The following FAM120A variants were observed in gnomAD, a reference collection of about 807,000 sequenced individuals.
FAM120A encodes the protein constitutive coactivator of PPAR-gamma-like protein 1.
Under a neutral mutation model 109.7 loss-of-function variants are expected in FAM120A, and 15 were observed. The observed-to-expected ratio is 0.14, with a 90% CI of 0.09 to 0.21. FAM120A has a LOEUF of 0.21. Ranked by LOEUF, FAM120A falls within the 10% of genes least tolerant of loss-of-function variation. The pLI, the probability that FAM120A is intolerant of heterozygous loss-of-function variation, is 1.00. For missense variants in FAM120A, 899 were observed against 1,439.3 expected, an observed-to-expected ratio of 0.62 and a Z score of 6.07; for synonymous variants, 493 against 572.8, an observed-to-expected ratio of 0.86 and a Z score of 1.99.
intron 15 of FAM120A, 94 bp from the exon 16 acceptor site, chr9:93,561,015 C>A (rs1862446389): frequency 4.9e-6 from 7 of 1,420,378 alleles, no homozygotes; most frequent in African/African-American, 1.4e-5. Flanking sequence ...TAAATATAAA[C>A]CAAAACTGAA....
At position 93,557,844 on chromosome 9, in the gene FAM120A, G is replaced by A. The variant is rs1862341733; in HGVS notation, c.2502G>A (p.Lys834=). 1 of 1,613,868 alleles carries A rather than the reference G, an allele frequency of 6.2e-7. No individual in the cohort carries two copies. Among genetic ancestry groups the A allele is most frequent in the East Asian group, 2.2e-5 (1 of 44,880 alleles). Reference sequence around the variant, plus strand: ...TCTTCCAGGCTGATCAGGCTGCCAAGGTAGAGAAGATGCGCCAGAGCGTCC... The same window carrying A: ...TCTTCCAGGCTGATCAGGCTGCCAAAGTAGAGAAGATGCGCCAGAGCGTCC... ...LCDGQADQAA[K]VEKMRQSVLE... Residue 834 remains lysine, a synonymous_variant, in exon 14 of 18, where the codon AAG becomes AAA. Coordinates refer to ENST00000277165, the MANE Select transcript of FAM120A (RefSeq NM_014612.5).
chr9:93,515,351 A>G, intron 5 of FAM120A, among the ~76,000 whole-genome samples: 1 of 152,252 alleles, frequency 6.6e-6, no homozygotes, highest in Non-Finnish European at 1.5e-5. Flanking sequence ...GAGAATCCCC[A>G]CCAAGTTGCA....
intron 3 of FAM120A, among the ~76,000 whole-genome samples, chr9:93,478,463 T>G (rs1473067632): frequency 6.6e-6 from 1 of 152,146 alleles, no homozygotes; most frequent in Admixed American, 6.6e-5. Flanking sequence ...GTTCAGAAAT[T>G]GCATTTGTTA....
intron 7 of FAM120A, among the ~76,000 whole-genome samples, chr9:93,521,597 G>A (rs1860847311): frequency 6.7e-6 from 1 of 150,318 alleles, no homozygotes; most frequent in African/African-American, 2.4e-5. Flanking sequence ...AAAAAAAAAA[G>A]GAAAGAAAGA....
chr9:93,564,618 T>G lies in FAM120A; in HGVS notation c.*78T>G. The stretch of plus-strand genomic sequence containing the variant: ...ATCTGGAGAGAAAGAGAGCCTGCAG[T>G]TATGTACATTTTGTCCTTTCCGTAA... On this transcript the variant is annotated 3_prime_UTR_variant, in exon 18 of 18. Coordinates refer to ENST00000277165, the MANE Select transcript of FAM120A (RefSeq NM_014612.5). The G allele has an allele frequency of 8.2e-7, 1 of 1,225,558 alleles. No homozygotes were observed. The highest frequency in any genetic ancestry group is 1.1e-6 in the Non-Finnish European group (1 of 881,160). 75.9% of individuals were successfully genotyped at this position (1,225,558 alleles called of 1,614,324 possible).
chr9:93,529,736 G>A (rs547507045), intron 9 of FAM120A, 156 bp downstream of exon 9: 105 of 710,942 alleles, frequency 1.5e-4, no homozygotes, highest in South Asian at 1.4e-3. Flanking sequence ...TTGAATGAAA[G>A]ATGAACATTT....
intron 1 of FAM120A, among the ~76,000 whole-genome samples, chr9:93,459,689 A>C (rs958631157): frequency 1.3e-5 from 2 of 152,144 alleles, no homozygotes; most frequent in African/African-American, 4.8e-5. Flanking sequence ...TAGGGTTGAC[A>C]GTTGAGACAT....
At chr9:93,546,481 G>A (rs563495543) in intron 11 of FAM120A, among the ~76,000 whole-genome samples, 4 of 152,234 alleles carry the variant, frequency 2.6e-5, no homozygotes, top group African/African-American at 9.6e-5. Context: ...CGTCCCATCT[G>A]GTGTATTTAC....
intron 1 of FAM120A, among the ~76,000 whole-genome samples, chr9:93,459,240 C>T (rs1377526083): frequency 6.6e-6 from 1 of 152,184 alleles, no homozygotes; most frequent in East Asian, 1.9e-4. Flanking sequence ...ATTTACCTCC[C>T]CCAGCCACCC....
At chr9:93,522,082 A>T (rs1860870913) in intron 7 of FAM120A, among the ~76,000 whole-genome samples, 1 of 152,216 alleles carries the variant, frequency 6.6e-6, no homozygotes, top group Non-Finnish European at 1.5e-5. Flanking sequence ...CCTGTTTAAA[A>T]AACAAAACAA....
At chr9:93,531,869 T>G (rs1861343799) in intron 9 of FAM120A, among the ~76,000 whole-genome samples, 1 of 152,264 alleles carries the variant, frequency 6.6e-6, no homozygotes, top group Non-Finnish European at 1.5e-5. Context: ...TCTGTCTGGA[T>G]TGTTTCAAAG....
chr9:93,538,877 G>GT (rs56333792), intron 10 of FAM120A, among the ~76,000 whole-genome samples: 3 of 151,980 alleles, frequency 2.0e-5, no homozygotes, highest in East Asian at 1.9e-4. Context: ...AAAACATTGA[G>GT]TTTTTTTACT....
At chr9:93,555,431 C>A (rs1016600322) in intron 12 of FAM120A, among the ~76,000 whole-genome samples, 19 of 152,176 alleles carry the variant, frequency 1.2e-4, no homozygotes, top group Non-Finnish European at 2.6e-4. Context: ...ACCAGAATGA[C>A]CTTTTTCTCT....
chr9:93,532,670 T>C lies in FAM120A; in HGVS notation c.1909+341T>C. ...GGTAATCAGGACGAGTGAGTTTCTG[T>C]GCTCTGGTTTTCATGAAGCACAGAT... On this transcript the variant is annotated intron_variant, in intron 10 of 17. Coordinates refer to ENST00000277165, the MANE Select transcript of FAM120A (RefSeq NM_014612.5). The surrounding 1 kb of genome is among the most constrained non-coding windows in gnomAD (Gnocchi z 4.3). 1 of 302,090 alleles carries C rather than the reference T, an allele frequency of 3.3e-6. No individual in the cohort carries two copies. The allele number at this position is 302,090 out of a possible 1,614,324, so 18.7% of individuals were successfully genotyped here.
chr9:93,472,279 A>T (rs1181943073), intron 2 of FAM120A, among the ~76,000 whole-genome samples: 1 of 151,872 alleles, frequency 6.6e-6, no homozygotes, highest in African/African-American at 2.4e-5. Flanking sequence ...AAAAATTCCC[A>T]AGAAGTAATA....
At chr9:93,474,065 G>A (rs895578495) in intron 2 of FAM120A, among the ~76,000 whole-genome samples, 2 of 137,056 alleles carry the variant, frequency 1.5e-5, no homozygotes, top group Non-Finnish European at 3.1e-5. Context: ...TTGTTAGTTT[G>A]TGAAGTTTTG....
Position 93,451,772 on chromosome 9 carries a change from C to T in FAM120A, c.-144C>T. The stretch of plus-strand genomic sequence containing the variant: ...AGGCGGCAGCACATGGCGGCCGCGG[C>T]GGCCATGAGCGCGCCCCCGACCCGC... On this transcript the variant is annotated 5_prime_UTR_variant, in exon 1 of 18. Coordinates refer to ENST00000277165, the MANE Select transcript of FAM120A (RefSeq NM_014612.5). 1.0e-6 allele frequency: 1 copy of T among 981,244 alleles called. No individual in the cohort carries two copies. Among genetic ancestry groups the T allele is most frequent in the Non-Finnish European group, 1.2e-6 (1 of 828,834 alleles). The allele number at this position is 981,244 out of a possible 1,614,324, so 60.8% of individuals were successfully genotyped here. A position where few individuals can be genotyped will look rare whatever the true frequency, so the allele number is the denominator to read the frequency against.
intron 8 of FAM120A, among the ~76,000 whole-genome samples, chr9:93,527,749 G>T (rs1035867244): frequency 6.8e-6 from 1 of 146,634 alleles, no homozygotes; most frequent in Admixed American, 7.1e-5. Context: ...CAGCCTCCCT[G>T]GTAGCTGAGA....
At chr9:93,490,112 A>G (rs1300184512) in intron 3 of FAM120A, among the ~76,000 whole-genome samples, 2 of 152,242 alleles carry the variant, frequency 1.3e-5, no homozygotes, top group Non-Finnish European at 2.9e-5. Flanking sequence ...GGCCTCATCC[A>G]TGAATGAATA....
Sources: allele counts gnomAD v4.1 joint callset (sites outside exome capture counted in the v4.1 genomes callset), GRCh38; gene constraint gnomAD v4.1.1; non-coding constraint Gnocchi (gnomAD v3.1); transcripts MANE v1.5; gene names NCBI Gene and HGNC (gene_info 2026-07-23, HGNC 2026-07-21).